Variants in AFAP1 observed in about 807,000 individuals in gnomAD.
The protein encoded by AFAP1 is actin filament associated protein 1.
Under a neutral mutation model 93.9 loss-of-function variants are expected in AFAP1, and 75 were observed. The observed-to-expected ratio is 0.80, with a 90% confidence interval of 0.66 to 0.97. The LOEUF is 0.97. AFAP1 is among the 50% of genes least tolerant of loss of function. The probability of loss-of-function intolerance (pLI) is 0.00; values close to 1 mark genes in which losing one functional copy is unlikely to be tolerated. For missense variants in AFAP1, 1,201 were observed against 1,050.8 expected (o/e 1.14, Z -1.98); for synonymous variants, 517 against 430.7 (o/e 1.20, Z -2.48).
chr4:7,901,684 T>C (rs1316980296), intron 1 of AFAP1, among the ~76,000 whole-genome samples: 1 of 152,230 alleles, frequency 6.6e-6, no homozygotes, highest in Non-Finnish European at 1.5e-5. Flanking sequence ...TGCGCCTCCC[T>C]GTACACACAC....
chr4:7,800,425 C>T lies in AFAP1; in HGVS notation c.1266+17G>A, dbSNP rs757415386. ...GTGTGTCCCTCTGTGGAGTACAGCCCCTGGGAAATATCCTACCTCCAATAC... is the reference window on the plus strand; with the variant it reads ...GTGTGTCCCTCTGTGGAGTACAGCCTCTGGGAAATATCCTACCTCCAATAC... On this transcript the variant is annotated intron_variant, in intron 10 of 17. Coordinates refer to ENST00000420658, the MANE Select transcript of AFAP1 (RefSeq NM_001134647.2). 3.7e-6 allele frequency: 6 copies of T among 1,613,156 alleles called. No homozygotes were observed. The South Asian group carries it at 5.5e-5, about 15-fold the overall frequency.
chr4:7,843,739 G>A (rs991624074), intron 4 of AFAP1: 6 of 185,910 alleles, frequency 3.2e-5, no homozygotes, highest in Non-Finnish European at 6.9e-5. Context: ...TCCCACGTCC[G>A]CACCTTTATG....
chr4:7,835,969 G>A (rs1646974490), intron 6 of AFAP1, among the ~76,000 whole-genome samples: 1 of 152,174 alleles, frequency 6.6e-6, no homozygotes, highest in Admixed American at 6.5e-5. Flanking sequence ...AAGTGTGCGG[G>A]AGAGGCAAGG....
At chr4:7,898,556 C>A (rs1718919653) in intron 1 of AFAP1, among the ~76,000 whole-genome samples, 1 of 150,932 alleles carries the variant, frequency 6.6e-6, no homozygotes, top group Non-Finnish European at 1.5e-5. Flanking sequence ...AATGTTTGGG[C>A]AATCTGAGGG....
intron 4 of AFAP1, among the ~76,000 whole-genome samples, chr4:7,847,054 G>A (rs1053629204): frequency 1.3e-5 from 2 of 152,188 alleles, no homozygotes; most frequent in Admixed American, 1.3e-4. Flanking sequence ...GTGTAGAAAT[G>A]ACATTTTTAG....
At chr4:7,925,993 A>G (rs1720712026) in intron 1 of AFAP1, among the ~76,000 whole-genome samples, 1 of 152,188 alleles carries the variant, frequency 6.6e-6, no homozygotes, top group South Asian at 2.1e-4. Context: ...ATAGCTGACA[A>G]ATATTAGCTG....
chr4:7,781,650 G>T, intron 12 of AFAP1, 23 bp from the exon 13 acceptor site: 1 of 1,550,022 alleles, frequency 6.5e-7, no homozygotes, highest in Non-Finnish European at 8.7e-7. Context: ...TAGCTTTGTG[G>T]TTAGTGACTT....
intron 1 of AFAP1, among the ~76,000 whole-genome samples, chr4:7,931,168 A>G (rs1232797956): frequency 2.6e-5 from 4 of 152,156 alleles, no homozygotes; most frequent in Non-Finnish European, 5.9e-5. Flanking sequence ...TGTCTTTCAC[A>G]CAATCTAGAA....
intron 6 of AFAP1, among the ~76,000 whole-genome samples, chr4:7,836,053 C>A (rs998546362): frequency 2.6e-5 from 4 of 152,022 alleles, no homozygotes; most frequent in Non-Finnish European, 5.9e-5. Context: ...TGGGGACCCC[C>A]GTGAAAAAGA....
Position 7,759,155 on chromosome 4 carries a change from A to T in AFAP1, c.*4610T>A, listed in dbSNP as rs1713419215. The T allele has an allele frequency of 6.5e-6, 1 of 152,690 alleles. No individual in the cohort carries two copies. Among genetic ancestry groups the T allele is most frequent in the Non-Finnish European group, 1.5e-5 (1 of 68,048 alleles). The allele number at this position is 152,690 out of a possible 1,614,324, so 9.5% of individuals were successfully genotyped here. On this transcript the variant is annotated 3_prime_UTR_variant, in exon 18 of 18. Coordinates refer to ENST00000420658, the MANE Select transcript of AFAP1 (RefSeq NM_001134647.2). ...ACTTAAAAGTTGATGTTAAAATGTA[A>T]AGTGAATATTTCCTTTCTTGTTAGA...
intron 1 of AFAP1, among the ~76,000 whole-genome samples, chr4:7,907,988 G>T (rs1324882122): frequency 1.3e-5 from 2 of 152,140 alleles, no homozygotes; most frequent in Non-Finnish European, 2.9e-5. Context: ...GAGGCGGGAG[G>T]ATCACCTGAT....
chr4:7,768,852 T>C lies in AFAP1; in HGVS notation c.2410A>G (p.Lys804Glu), dbSNP rs765651163. 1 of 1,596,516 alleles carries C rather than the reference T, an allele frequency of 6.3e-7. No individual in the cohort carries two copies. Among genetic ancestry groups the C allele is most frequent in the Admixed American group, 1.7e-5 (1 of 59,356 alleles). The change falls in exon 17 of 18, where the codon AAG becomes GAG. Residue 804 changes from lysine to glutamate, a missense_variant. Transcript: ENST00000420658. ...SSPCRGHVLR[K>E]AKEWELKNGT ...CGGACATCAGGGCTTACCTTGGCCTTCCGCAGCACATGCCCTCGGCAGGGG... is the reference window on the plus strand; with the variant it reads ...CGGACATCAGGGCTTACCTTGGCCTCCCGCAGCACATGCCCTCGGCAGGGG...
chr4:7,817,565 T>C (rs1256796853), intron 7 of AFAP1, among the ~76,000 whole-genome samples: 1 of 151,902 alleles, frequency 6.6e-6, no homozygotes, highest in African/African-American at 2.4e-5. Context: ...CACTCCAGCC[T>C]GGGCAACAAG....
In AFAP1 at chr4:7,882,448, T is replaced by C. The variant is rs955029329; in HGVS notation, c.-2-10368A>G. Among the ~76,000 whole-genome samples the C allele has an allele frequency of 3.3e-5, 5 of 151,590 alleles. 1 individual carries two copies. The highest frequency in any genetic ancestry group is 2.0e-4 in the Admixed American group (3 of 15,232). On this transcript the variant is annotated intron_variant, in intron 1 of 17. Coordinates refer to ENST00000420658, the MANE Select transcript of AFAP1 (RefSeq NM_001134647.2). ...ATGTGATATCTAAACCGAATAGAGA[T>C]AGCACAAAAAAGAAAACCAAAGACC...
chr4:7,846,218 C>T (rs1265061094), intron 4 of AFAP1, among the ~76,000 whole-genome samples: 1 of 152,158 alleles, frequency 6.6e-6, no homozygotes, highest in East Asian at 1.9e-4. Context: ...AGTGTTCTAC[C>T]CTTGACTTGA....
chr4:7,908,142 G>A (rs184552734), intron 1 of AFAP1, among the ~76,000 whole-genome samples: 2 of 150,702 alleles, frequency 1.3e-5, no homozygotes, highest in Non-Finnish European at 3.0e-5. Context: ...AACCTGGGGG[G>A]AGCACGTTGC....
At chr4:7,879,904 A>T (rs1717745808) in intron 1 of AFAP1, among the ~76,000 whole-genome samples, 1 of 152,062 alleles carries the variant, frequency 6.6e-6, no homozygotes, top group African/African-American at 2.4e-5. Flanking sequence ...GGCTAAATTG[A>T]TCGGCCTGCC....
At chr4:7,817,056 G>A (rs1720542919) in intron 7 of AFAP1, among the ~76,000 whole-genome samples, 1 of 152,178 alleles carries the variant, frequency 6.6e-6, no homozygotes, top group Non-Finnish European at 1.5e-5. Context: ...CATAAGTAAA[G>A]CAGAATTGCC....
intron 6 of AFAP1, among the ~76,000 whole-genome samples, chr4:7,827,569 C>CAA (rs58075483): frequency 0.027 from 1,393 of 52,136 alleles, 80 homozygotes; most frequent in African/African-American, 0.077. Flanking sequence ...ACTCTGTCTC[C>CAA]AAAAAAAAAA....
Sources: gnomAD v4.1 joint callset for allele counts (sites outside exome capture counted in the v4.1 genomes callset) on GRCh38, gnomAD v4.1.1 for gene constraint, MANE v1.5 for transcripts, NCBI Gene and HGNC (gene_info 2026-07-23, HGNC 2026-07-21) for gene names.